DENND2C: variants seen among roughly 807,000 people sequenced by gnomAD.
DENND2C encodes DENN domain-containing protein 2C.
Under a neutral mutation model 112.4 loss-of-function variants are expected in DENND2C, and 72 were observed. The ratio of observed to expected loss-of-function variants is 0.64; its 90% CI spans 0.53 to 0.78. The LOEUF (loss-of-function observed/expected upper bound fraction) is 0.78. DENND2C is among the 30% of genes least tolerant of loss of function. The pLI, the probability that DENND2C is intolerant of heterozygous loss-of-function variation, is 0.00. For missense variants in DENND2C, 992 were observed against 1,113.8 expected (o/e 0.89, Z 1.56); for synonymous variants, 329 against 381.6 (o/e 0.86, Z 1.61).
chr1:114,619,395 A>G (rs972282406), intron 7 of DENND2C, among the ~76,000 whole-genome samples: 2 of 152,232 alleles, frequency 1.3e-5, no homozygotes, highest in Non-Finnish European at 2.9e-5. Context: ...AACATTATAT[A>G]TGATAACAAC....
chr1:114,664,234 T>C (rs1374722616), intron 1 of DENND2C, among the ~76,000 whole-genome samples: 1 of 151,978 alleles, frequency 6.6e-6, no homozygotes, highest in Non-Finnish European at 1.5e-5. Context: ...ACACAGTCTT[T>C]TGTTGTTTTT....
intron 11 of DENND2C, among the ~76,000 whole-genome samples, chr1:114,602,942 G>C (rs1655554251): frequency 6.6e-6 from 1 of 152,136 alleles, no homozygotes; most frequent in Non-Finnish European, 1.5e-5. Context: ...TTATTTCTCA[G>C]TTCCAAATTC....
At chr1:114,623,452 G>T in intron 5 of DENND2C, 55 bp downstream of exon 5, 1 of 1,538,344 alleles carries the variant, frequency 6.5e-7, no homozygotes. Context: ...CTACAATTAA[G>T]GGCTTCACCA....
rs749613665 is a variant in DENND2C, at chr1:114,594,586, A to C, written c.2326-8T>G. 1 of 1,606,132 alleles carries C rather than the reference A, an allele frequency of 6.2e-7. No individual in the cohort carries two copies. The highest frequency in any genetic ancestry group is 1.1e-5 in the South Asian group (1 of 90,418). ...TTCATCCTCATCAGATACCTTAAGAAGAAAAAAAAATGGAGATTTTTCTTT... is the reference window on the plus strand; with the variant it reads ...TTCATCCTCATCAGATACCTTAAGACGAAAAAAAAATGGAGATTTTTCTTT... On this transcript the variant is annotated splice_polypyrimidine_tract_variant and splice_region_variant and intron_variant, in intron 17 of 20. Transcript: ENST00000393274.
chr1:114,605,586 G>A (rs965111365), intron 10 of DENND2C, among the ~76,000 whole-genome samples: 1 of 152,232 alleles, frequency 6.6e-6, no homozygotes, highest in African/African-American at 2.4e-5. Context: ...GAGCCCAGGA[G>A]TTGGAGACCA....
intron 3 of DENND2C, among the ~76,000 whole-genome samples, chr1:114,626,510 CTTTT>C (rs11412901): frequency 2.4e-5 from 3 of 122,858 alleles, no homozygotes; most frequent in African/African-American, 3.1e-5. Context: ...TAAATTAATT[CTTTT>C]TTTTTTTTTT....
chr1:114,657,432 A>C (rs1657365120), intron 1 of DENND2C, among the ~76,000 whole-genome samples: 1 of 152,222 alleles, frequency 6.6e-6, no homozygotes, highest in Non-Finnish European at 1.5e-5. Flanking sequence ...ATTTTAGGTA[A>C]GTCCTCATGT....
At chr1:114,664,050 C>T (rs1433694851) in intron 1 of DENND2C, among the ~76,000 whole-genome samples, 1 of 151,602 alleles carries the variant, frequency 6.6e-6, no homozygotes, top group East Asian at 1.9e-4. Context: ...GCAATTCTCC[C>T]ACCTCAGCCT....
At chr1:114,668,659 A>T (rs1419738124) in intron 1 of DENND2C, among the ~76,000 whole-genome samples, 1 of 152,142 alleles carries the variant, frequency 6.6e-6, no homozygotes, top group Non-Finnish European at 1.5e-5. Context: ...CCTACAGGTT[A>T]CAAAACTGCC....
At chr1:114,648,198 G>A (rs1657051988) in intron 2 of DENND2C, among the ~76,000 whole-genome samples, 1 of 152,212 alleles carries the variant, frequency 6.6e-6, no homozygotes, top group Admixed American at 6.5e-5. Context: ...GGAAGCTGAA[G>A]CTGAACTGGT....
At chr1:114,655,709 C>T (rs1657286716) in intron 1 of DENND2C, among the ~76,000 whole-genome samples, 1 of 151,956 alleles carries the variant, frequency 6.6e-6, no homozygotes, top group South Asian at 2.1e-4. Context: ...GTCTTGAACT[C>T]CTGACCTCAG....
intron 8 of DENND2C, 24 bp from the exon 9 acceptor site, chr1:114,611,141 AT>A: frequency 6.2e-7 from 1 of 1,614,006 alleles, no homozygotes; most frequent in South Asian, 1.1e-5. Flanking sequence ...AGGAGTTTCC[AT>A]TTGTATTGTC....
chr1:114,616,403 A>C (rs573564324), intron 8 of DENND2C, among the ~76,000 whole-genome samples: 2 of 152,268 alleles, frequency 1.3e-5, no homozygotes, highest in African/African-American at 2.4e-5. Context: ...AAAAGAAAAA[A>C]AAAAAAGAAA....
At chr1:114,650,692 A>AG (rs1657134045) in intron 2 of DENND2C, among the ~76,000 whole-genome samples, 1 of 151,322 alleles carries the variant, frequency 6.6e-6, no homozygotes, top group Non-Finnish European at 1.5e-5. Context: ...AAAAAAAAAA[A>AG]AAAGAATTTC....
At chr1:114,623,765 TCA>T (rs1656254705) in intron 4 of DENND2C, 122 bp from the exon 5 acceptor site, 1 of 904,950 alleles carries the variant, frequency 1.1e-6, no homozygotes, top group South Asian at 2.2e-5. Context: ...AGACAGAATC[TCA>T]GTCTGTTGCA....
At chr1:114,611,425 A>T (rs928313190) in intron 8 of DENND2C, among the ~76,000 whole-genome samples, 1 of 152,172 alleles carries the variant, frequency 6.6e-6, no homozygotes, top group Non-Finnish European at 1.5e-5. Flanking sequence ...TTCAGAGTGG[A>T]TTCTATTTCT....
intron 3 of DENND2C, among the ~76,000 whole-genome samples, chr1:114,630,633 C>T (rs1656464989): frequency 6.6e-6 from 1 of 152,220 alleles, no homozygotes; most frequent in South Asian, 2.1e-4. Flanking sequence ...AATATGGAGA[C>T]TGAGGCAAAT....
intron 10 of DENND2C, among the ~76,000 whole-genome samples, chr1:114,607,932 C>T (rs566353577): frequency 1.3e-5 from 2 of 152,284 alleles, no homozygotes; most frequent in East Asian, 3.9e-4. Flanking sequence ...ATTTAATCCT[C>T]ACTATGACTC....
intron 1 of DENND2C, among the ~76,000 whole-genome samples, chr1:114,660,401 C>T (rs2101697919): frequency 6.6e-6 from 1 of 152,260 alleles, no homozygotes. Flanking sequence ...GTATGTTCAC[C>T]CACACCCAGC....
Sources: gnomAD v4.1 joint callset for allele counts (sites outside exome capture counted in the v4.1 genomes callset) on GRCh38, gnomAD v4.1.1 for gene constraint, MANE v1.5 for transcripts, NCBI Gene and HGNC (gene_info 2026-07-23, HGNC 2026-07-21) for gene names.